Variants in CAMK2A observed in about 807,000 individuals in gnomAD.
The protein encoded by CAMK2A is calcium/calmodulin dependent protein kinase II alpha.
In CAMK2A, 7 loss-of-function variants were observed where a neutral mutation model predicts 79.2. The observed-to-expected ratio is 0.09, with a 90% CI of 0.05 to 0.17. The LOEUF (loss-of-function observed/expected upper bound fraction) is 0.17, where lower values mean the gene tolerates loss of function less well. Ranked by LOEUF, CAMK2A falls within the 10% of genes least tolerant of loss-of-function variation. The pLI, the probability that CAMK2A is intolerant of heterozygous loss-of-function variation, is 1.00. For synonymous variants in CAMK2A, 242 were observed against 251.7 expected (o/e 0.96, Z 0.36); for missense variants, 214 against 646.4 (o/e 0.33, Z 7.25).
In CAMK2A at chr5:150,245,290, G is replaced by C. The variant is rs143593098; in HGVS notation, c.944-89C>G. Reference sequence around the variant, plus strand: ...GGACGAGCAGCATCCACACGCAGCCGGAGGGCAGACTGCAGGGAGCAGAGC... The same window carrying C: ...GGACGAGCAGCATCCACACGCAGCCCGAGGGCAGACTGCAGGGAGCAGAGC... On this transcript the variant is annotated intron_variant, in intron 12 of 18. Transcript: ENST00000671881. 1.5e-3 allele frequency: 1,915 copies of C among 1,295,114 alleles called. 18 individuals are homozygous for C. The African/African-American group carries it at 0.023, about 15-fold the overall frequency. The allele number at this position is 1,295,114 out of a possible 1,614,324, so 80.2% of individuals were successfully genotyped here.
At chr5:150,243,614 T>C (rs1243101398) in intron 13 of CAMK2A, among the ~76,000 whole-genome samples, 2 of 152,198 alleles carry the variant, frequency 1.3e-5, no homozygotes, top group Non-Finnish European at 2.9e-5. Context: ...AACTTGGTTT[T>C]CAAGAGAAAT....
chr5:150,288,084 G>A (rs1757503207), intron 1 of CAMK2A, among the ~76,000 whole-genome samples: 1 of 151,942 alleles, frequency 6.6e-6, no homozygotes, highest in African/African-American at 2.4e-5. Flanking sequence ...ATAACCCTGT[G>A]AGCCCAGGCC....
intron 7 of CAMK2A, among the ~76,000 whole-genome samples, chr5:150,252,311 C>T (rs1196556263): frequency 6.6e-6 from 1 of 152,216 alleles, no homozygotes; most frequent in East Asian, 1.9e-4. Flanking sequence ...CCACTTCCCA[C>T]TTCAGAGCCA....
intron 2 of CAMK2A, among the ~76,000 whole-genome samples, chr5:150,268,269 A>T (rs1756598755): frequency 6.6e-6 from 1 of 151,966 alleles, no homozygotes; most frequent in Non-Finnish European, 1.5e-5. Context: ...CAAACTCCTC[A>T]CTGGGTCCGG....
intron 15 of CAMK2A, among the ~76,000 whole-genome samples, chr5:150,231,707 A>G (rs1181485501): frequency 1.3e-5 from 2 of 151,866 alleles, no homozygotes; most frequent in Admixed American, 1.3e-4. Flanking sequence ...CATGGTGGAC[A>G]TTCTGAATCT....
At chr5:150,245,430 G>A (rs1755526559) in intron 12 of CAMK2A, 3 of 573,554 alleles carry the variant, frequency 5.2e-6, no homozygotes, top group Admixed American at 3.1e-5. Context: ...GCAATCTCAA[G>A]CGTAACCCTC....
chr5:150,278,272 A>G (rs987126122), intron 1 of CAMK2A, among the ~76,000 whole-genome samples: 1 of 152,116 alleles, frequency 6.6e-6, no homozygotes, highest in South Asian at 2.1e-4. Context: ...CCCAGGCTCC[A>G]TCCCTGCCTG....
intron 6 of CAMK2A, 137 bp from the exon 7 acceptor site, chr5:150,253,683 A>G (rs1755932699): frequency 1.5e-6 from 1 of 684,330 alleles, no homozygotes; most frequent in Admixed American, 2.3e-5. Context: ...TTTCATCTCC[A>G]GCCCCGCCTC....
Position 150,238,788 on chromosome 5 carries a change from G to C in CAMK2A, c.1018-40C>G, listed in dbSNP as rs909135950. Reference sequence around the variant, plus strand: ...ACAGGAGATGGTGAGGCCTGCCTGGGAGCGGGACGAGGCATGGCCAGGCCC... The same window carrying C: ...ACAGGAGATGGTGAGGCCTGCCTGGCAGCGGGACGAGGCATGGCCAGGCCC... On this transcript the variant is annotated intron_variant, in intron 14 of 18. Coordinates refer to ENST00000671881, the MANE Select transcript of CAMK2A (RefSeq NM_015981.4). The C allele has an allele frequency of 2.6e-6, 4 of 1,545,254 alleles. No homozygotes were observed. The African/African-American group carries it at 5.5e-5, about 21-fold the overall frequency.
At chr5:150,262,114 C>T (rs1011496375) in intron 3 of CAMK2A, among the ~76,000 whole-genome samples, 8 of 152,198 alleles carry the variant, frequency 5.3e-5, no homozygotes, top group Non-Finnish European at 1.2e-4. Context: ...GAGGTAAATG[C>T]TTTGTGCACA....
chr5:150,231,384 T>C lies in CAMK2A; in HGVS notation c.1067-4A>G. The C allele has an allele frequency of 6.8e-7, 1 of 1,473,204 alleles. No individual in the cohort carries two copies. Among genetic ancestry groups the C allele is most frequent in the Non-Finnish European group, 9.2e-7 (1 of 1,084,480 alleles). 91.3% of individuals were successfully genotyped at this position (1,473,204 alleles called of 1,614,324 possible). A position where few individuals can be genotyped will look rare whatever the true frequency, so the allele number is the denominator to read the frequency against. ...TTTATAATTTCCTGTTTCCGCACTG[T>C]AAGGCAGAAGGGGACACAGAAATAA... is the stretch of plus-strand genomic sequence containing the variant. On this transcript the variant is annotated splice_polypyrimidine_tract_variant and splice_region_variant and intron_variant, in intron 15 of 18. Coordinates refer to ENST00000671881, the MANE Select transcript of CAMK2A (RefSeq NM_015981.4).
chr5:150,256,075 C>T lies in CAMK2A; in HGVS notation c.411+498G>A, dbSNP rs955453917. Among the ~76,000 whole-genome samples the T allele has an allele frequency of 6.6e-6, 1 of 152,174 alleles. No individual in the cohort carries two copies. Among genetic ancestry groups the T allele is most frequent in the African/African-American group, 2.4e-5 (1 of 41,430 alleles). On this transcript the variant is annotated intron_variant, in intron 6 of 18. Coordinates refer to ENST00000671881, the MANE Select transcript of CAMK2A (RefSeq NM_015981.4). This position sits in a 1 kb window ranked among gnomAD's most constrained non-coding sequence, Gnocchi z 4.6. The stretch of plus-strand genomic sequence containing the variant: ...GCCTAGAGTCTGGTTTTTCTTCTCC[C>T]CTGGCCTGCCAGAGATGCAGGAACA...
chr5:150,257,182 G>T (rs1445699785), intron 4 of CAMK2A, among the ~76,000 whole-genome samples: 2 of 152,114 alleles, frequency 1.3e-5, no homozygotes, highest in Non-Finnish European at 2.9e-5. Flanking sequence ...TTATCGATGA[G>T]ACTGGCCCCA....
At chr5:150,240,636 C>A (rs1755295977) in intron 13 of CAMK2A, among the ~76,000 whole-genome samples, 1 of 152,238 alleles carries the variant, frequency 6.6e-6, no homozygotes, top group Non-Finnish European at 1.5e-5. Context: ...GACTCCCATT[C>A]ACAGAAGATG....
chr5:150,238,830 C>G (rs911846931), intron 14 of CAMK2A, 82 bp from the exon 15 acceptor site: 3 of 1,237,492 alleles, frequency 2.4e-6, no homozygotes, highest in Non-Finnish European at 3.3e-6. Context: ...CCTGGTGACG[C>G]GGCTGGTTTC....
At position 150,221,795 on chromosome 5, in the gene CAMK2A, C is replaced by T. The variant is rs541770238; in HGVS notation, c.*915G>A. 2 of 394,634 alleles carry T rather than the reference C, an allele frequency of 5.1e-6. No homozygotes were observed. The highest frequency in any genetic ancestry group is 4.1e-5 in the African/African-American group (2 of 48,634). The allele number at this position is 394,634 out of a possible 1,614,324, so 24.4% of individuals were successfully genotyped here. A position where few individuals can be genotyped will look rare whatever the true frequency, so the allele number is the denominator to read the frequency against. On this transcript the variant is annotated 3_prime_UTR_variant, in exon 19 of 19. Coordinates refer to ENST00000671881, the MANE Select transcript of CAMK2A (RefSeq NM_015981.4). ...GAACAGAAAAAAACTACCCCTCACC[C>T]CTCTTCCTACACCCCTTCCAACCTG... is the stretch of plus-strand genomic sequence containing the variant.
At chr5:150,285,151 G>A (rs1014470324) in intron 1 of CAMK2A, among the ~76,000 whole-genome samples, 7 of 152,110 alleles carry the variant, frequency 4.6e-5, no homozygotes, top group African/African-American at 1.7e-4. Context: ...CCCCAGATAC[G>A]GCACCAGTCA....
At chr5:150,267,765 A>T (rs1756574942) in intron 2 of CAMK2A, among the ~76,000 whole-genome samples, 1 of 152,106 alleles carries the variant, frequency 6.6e-6, no homozygotes, top group African/African-American at 2.4e-5. Context: ...CCTGTTGACA[A>T]AGGAAGAGTC....
intron 15 of CAMK2A, among the ~76,000 whole-genome samples, chr5:150,237,378 G>A (rs867965633): frequency 0.036 from 424 of 11,818 alleles, 5 homozygotes; most frequent in African/African-American, 0.047. Flanking sequence ...ACCCCCCCCT[G>A]CCACTACCAC....
Sources: allele counts gnomAD v4.1 joint callset (sites outside exome capture counted in the v4.1 genomes callset), GRCh38; gene constraint gnomAD v4.1.1; non-coding constraint Gnocchi (gnomAD v3.1); transcripts MANE v1.5; gene names NCBI Gene and HGNC (gene_info 2026-07-23, HGNC 2026-07-21).